The following GABRB1 variants were observed in gnomAD, a reference collection of about 807,000 sequenced individuals.
GABRB1 encodes the protein gamma-aminobutyric acid type A receptor subunit beta1, also known as gamma-aminobutyric acid receptor subunit beta-1.
A neutral mutation model predicts 51.6 loss-of-function variants in GABRB1; 17 were observed. That is an observed-to-expected ratio of 0.33 (90% CI 0.23 to 0.49). The LOEUF (loss-of-function observed/expected upper bound fraction) is 0.49. Among genes scored for constraint, GABRB1 ranks in the 20% least tolerant of loss-of-function variants. The pLI is 0.99. For missense variants in GABRB1, 410 were observed against 600.6 expected, an observed-to-expected ratio of 0.68 and a Z score of 3.32; for synonymous variants, 247 against 218.9, an observed-to-expected ratio of 1.13 and a Z score of -1.14.
chr4:47,289,387 T>C (rs77315717), intron 4 of GABRB1, among the ~76,000 whole-genome samples: 3,216 of 152,234 alleles, frequency 0.021, 34 homozygotes, highest in South Asian at 0.041. Context: ...AAACCTGAAA[T>C]AGTAGTAATT....
At chr4:47,260,788 C>T (rs1455685729) in intron 4 of GABRB1, among the ~76,000 whole-genome samples, 1 of 152,050 alleles carries the variant, frequency 6.6e-6, no homozygotes, top group Non-Finnish European at 1.5e-5. Context: ...AACATTGATG[C>T]AAAAATCCTC....
intron 5 of GABRB1, among the ~76,000 whole-genome samples, chr4:47,325,955 G>A (rs1725243658): frequency 6.6e-6 from 1 of 152,160 alleles, no homozygotes; most frequent in Non-Finnish European, 1.5e-5. Flanking sequence ...GAGTCCTCAT[G>A]AATGGGAAAA....
chr4:47,226,457 C>T (rs1720946790), intron 4 of GABRB1, among the ~76,000 whole-genome samples: 1 of 152,130 alleles, frequency 6.6e-6, no homozygotes, highest in African/African-American at 2.4e-5. Flanking sequence ...CAGAACACAG[C>T]TCCCTACTAC....
chr4:47,213,654 A>G (rs948916545), intron 4 of GABRB1, among the ~76,000 whole-genome samples: 3 of 151,384 alleles, frequency 2.0e-5, no homozygotes, highest in Non-Finnish European at 4.4e-5. Context: ...CTTTTGCTTC[A>G]TGGTAGGTTT....
At chr4:47,074,306 G>A (rs945693458) in intron 3 of GABRB1, among the ~76,000 whole-genome samples, 7 of 152,134 alleles carry the variant, frequency 4.6e-5, no homozygotes, top group African/African-American at 7.2e-5. Flanking sequence ...TAAGAGTGAC[G>A]TACAGTTTAA....
At chr4:47,302,067 T>C (rs1257027314) in intron 4 of GABRB1, among the ~76,000 whole-genome samples, 1 of 152,154 alleles carries the variant, frequency 6.6e-6, no homozygotes, top group African/African-American at 2.4e-5. Context: ...TAAATTCGGA[T>C]ATGTACTTTG....
At chr4:47,159,608 T>C (rs1223910026) in intron 3 of GABRB1, among the ~76,000 whole-genome samples, 1 of 152,070 alleles carries the variant, frequency 6.6e-6, no homozygotes, top group Non-Finnish European at 1.5e-5. Flanking sequence ...CCTTTTGCTA[T>C]TAAACAAGAA....
chr4:47,293,314 T>C (rs1259889167), intron 4 of GABRB1, among the ~76,000 whole-genome samples: 1 of 152,042 alleles, frequency 6.6e-6, no homozygotes, highest in Non-Finnish European at 1.5e-5. Flanking sequence ...GCTAATTTTG[T>C]ACTTTTGTAG....
intron 5 of GABRB1, among the ~76,000 whole-genome samples, chr4:47,332,604 C>G (rs1012174963): frequency 2.0e-5 from 3 of 152,236 alleles, no homozygotes; most frequent in Admixed American, 2.0e-4. Flanking sequence ...TGCCCCACCC[C>G]AGGCCAATAG....
intron 4 of GABRB1, among the ~76,000 whole-genome samples, chr4:47,201,336 G>C (rs139643293): frequency 6.6e-6 from 1 of 151,990 alleles, no homozygotes; most frequent in Non-Finnish European, 1.5e-5. Flanking sequence ...TCTAAAAAAA[G>C]AATTAAAGCT....
At chr4:47,290,950 G>A (rs1370531677) in intron 4 of GABRB1, among the ~76,000 whole-genome samples, 1 of 152,206 alleles carries the variant, frequency 6.6e-6, no homozygotes, top group African/African-American at 2.4e-5. Context: ...CATTTTCTGA[G>A]GAGAAATTCA....
At chr4:47,149,412 T>C (rs1331540576) in intron 3 of GABRB1, among the ~76,000 whole-genome samples, 27 of 152,046 alleles carry the variant, frequency 1.8e-4, no homozygotes, top group Admixed American at 1.8e-3. Context: ...TCTCATTATA[T>C]AGTGTTCCTG....
At chr4:47,350,218 T>TATATATATAG (rs750199965) in intron 5 of GABRB1, among the ~76,000 whole-genome samples, 46 of 56,650 alleles carry the variant, frequency 8.1e-4, no homozygotes, top group African/African-American at 1.6e-3. Context: ...TATATATATA[T>TATATATATAG]AGAGAGAGAG....
chr4:47,132,392 TTTTGG>T (rs35774226), intron 3 of GABRB1, among the ~76,000 whole-genome samples: 35,703 of 118,742 alleles, frequency 0.3, 4,668 homozygotes, highest in East Asian at 0.47. Context: ...TTTTGGTTTG[TTTTGG>T]TTTGGTTTGG....
intron 3 of GABRB1, among the ~76,000 whole-genome samples, chr4:47,083,589 T>A (rs1189281573): frequency 6.6e-6 from 1 of 152,078 alleles, no homozygotes; most frequent in Non-Finnish European, 1.5e-5. Flanking sequence ...AACTGATCAG[T>A]AACTAAACTG....
intron 5 of GABRB1, among the ~76,000 whole-genome samples, chr4:47,401,009 A>G (rs964063690): frequency 1.4e-5 from 2 of 147,348 alleles, no homozygotes; most frequent in African/African-American, 5.1e-5. Flanking sequence ...GCTCACTGCA[A>G]GCTCCGCCTC....
At chr4:47,186,893 T>A (rs1246708645) in intron 4 of GABRB1, among the ~76,000 whole-genome samples, 2 of 151,926 alleles carry the variant, frequency 1.3e-5, no homozygotes, top group Non-Finnish European at 1.5e-5. Flanking sequence ...GCTTACTATA[T>A]GGCACACACT....
chr4:47,111,904 A>G (rs1326549842), intron 3 of GABRB1, among the ~76,000 whole-genome samples: 1 of 152,004 alleles, frequency 6.6e-6, no homozygotes, highest in Non-Finnish European at 1.5e-5. Context: ...TTAATTTTAA[A>G]TATCATTTGA....
chr4:47,231,024 T>C (rs1721122268), intron 4 of GABRB1, among the ~76,000 whole-genome samples: 1 of 152,116 alleles, frequency 6.6e-6, no homozygotes. Flanking sequence ...CACCTACTAG[T>C]TCAGTAAGAA....
Sources: gnomAD v4.1 joint callset for allele counts (sites outside exome capture counted in the v4.1 genomes callset) on GRCh38, gnomAD v4.1.1 for gene constraint, MANE v1.5 for transcripts, NCBI Gene and HGNC (gene_info 2026-07-23, HGNC 2026-07-21) for gene names.